Variants in USP37 observed in about 807,000 individuals in gnomAD.
USP37 encodes ubiquitin specific peptidase 37.
Under a neutral mutation model 124.0 loss-of-function variants are expected in USP37, and 27 were observed. The observed-to-expected ratio is 0.22, with a 90% CI of 0.16 to 0.30. USP37 has a LOEUF of 0.30. USP37 is among the 10% of genes least tolerant of loss of function. The pLI is 1.00. For synonymous variants in USP37, 365 were observed against 388.0 expected, an observed-to-expected ratio of 0.94 and a Z score of 0.70; for missense variants, 889 against 1,140.4, an observed-to-expected ratio of 0.78 and a Z score of 3.17.
At chr2:218,527,035 G>A (rs577409079) in intron 10 of USP37, among the ~76,000 whole-genome samples, 5 of 152,048 alleles carry the variant, frequency 3.3e-5, no homozygotes, top group East Asian at 3.9e-4. Context: ...TGATCCACCC[G>A]CCTCGGCCTC....
intron 14 of USP37, among the ~76,000 whole-genome samples, chr2:218,489,846 T>C (rs832813): frequency 0.65 from 98,405 of 152,054 alleles, 32,173 homozygotes; most frequent in East Asian, 0.9. Flanking sequence ...CCTTTTATAA[T>C]GGGATTATGC....
intron 20 of USP37, among the ~76,000 whole-genome samples, chr2:218,469,072 T>C (rs1690530470): frequency 6.6e-6 from 1 of 152,202 alleles, no homozygotes; most frequent in Non-Finnish European, 1.5e-5. Context: ...AGTCAGCAAC[T>C]AGTTAGCATT....
At chr2:218,543,501 CAAAAAAAAAAAAA>C (rs35321679) in intron 8 of USP37, among the ~76,000 whole-genome samples, 4 of 36,934 alleles carry the variant, frequency 1.1e-4, no homozygotes, top group South Asian at 2.1e-3. Flanking sequence ...GACTCCGTCT[CAAAAAAAAAAAAA>C]AAAAAAAAAA....
rs749152311 is a variant in USP37, at chr2:218,474,729, T to C, written c.2200A>G (p.Ser734Gly). Reference sequence around the variant, plus strand: ...TCTGCAAATCCGGTATCTGGGCTGCTAGTTGGCTTATCATCATCTTCATGA... The same window carrying C: ...TCTGCAAATCCGGTATCTGGGCTGCCAGTTGGCTTATCATCATCTTCATGA... ...LSHEDDDKPT[S>G]SPDTGFAEDD... is the part of the protein sequence containing the mutation. The change falls in exon 20 of 26, where the codon AGC becomes GGC. Residue 734 changes from serine to glycine, a missense_variant. Physicochemically the swap from Ser to Gly is moderately conservative, Grantham distance 56. This residue lies in a region of USP37 where 504 missense variants were observed against 714.3 expected (regional missense o/e 0.71). Coordinates refer to ENST00000258399, the MANE Select transcript of USP37 (RefSeq NM_020935.3). The C allele has an allele frequency of 2.5e-6, 4 of 1,614,178 alleles. No homozygotes were observed. The highest frequency in any genetic ancestry group is 3.4e-6 in the Non-Finnish European group (4 of 1,180,026).
In USP37 at chr2:218,454,794, G is replaced by T; in HGVS notation, c.*136C>A. On this transcript the variant is annotated 3_prime_UTR_variant, in exon 26 of 26. Coordinates refer to ENST00000258399, the MANE Select transcript of USP37 (RefSeq NM_020935.3). ...AGCATTCTACGTTACTCCAATTTTT[G>T]TCTTTTGGTTTGGCCCTGAGCTGTT... 2.7e-6 allele frequency: 4 copies of T among 1,472,178 alleles called. No homozygotes were observed. Among genetic ancestry groups the T allele is most frequent in the Non-Finnish European group, 2.7e-6 (3 of 1,115,970 alleles). 91.2% of individuals were successfully genotyped at this position (1,472,178 alleles called of 1,614,324 possible). A position where few individuals can be genotyped will look rare whatever the true frequency, so the allele number is the denominator to read the frequency against.
chr2:218,462,959 G>A (rs1690093648), intron 22 of USP37, among the ~76,000 whole-genome samples: 1 of 152,070 alleles, frequency 6.6e-6, no homozygotes, highest in Non-Finnish European at 1.5e-5. Context: ...TTGAAGCCAG[G>A]AGTTCAAGAC....
At chr2:218,468,635 T>C (rs1357644332) in intron 20 of USP37, among the ~76,000 whole-genome samples, 2 of 152,216 alleles carry the variant, frequency 1.3e-5, no homozygotes, top group Admixed American at 6.5e-5. Flanking sequence ...TATATACTCA[T>C]GCTATACATA....
chr2:218,510,004 A>T lies in USP37; in HGVS notation c.1000T>A (p.Ser334Thr). The T allele has an allele frequency of 1.3e-6, 2 of 1,585,340 alleles. No homozygotes were observed. Among genetic ancestry groups the T allele is most frequent in the Non-Finnish European group, 1.7e-6 (2 of 1,160,966 alleles). Residue 334 changes from serine to threonine, a missense_variant, in exon 11 of 26, where the codon TCT becomes ACT. By Grantham distance (58) the Ser-to-Thr change is moderately conservative (BLOSUM62 1). Transcript: ENST00000258399. ...GWNKPRVPLS[S>T]HQQQQLQGFS... ...CCCTGCAGTTGCTGCTGTTGGTGAG[A>T]GGAAAGGGGCACTCTTGGTTTATTC...
At chr2:218,522,113 C>T (rs1318831342) in intron 10 of USP37, among the ~76,000 whole-genome samples, 1 of 150,786 alleles carries the variant, frequency 6.6e-6, no homozygotes, top group Non-Finnish European at 1.5e-5. Flanking sequence ...TGAGCTCAAG[C>T]CATCCTCCTG....
intron 6 of USP37, among the ~76,000 whole-genome samples, chr2:218,549,552 C>T (rs1021651685): frequency 2.0e-5 from 3 of 151,528 alleles, no homozygotes; most frequent in Admixed American, 2.0e-4. Context: ...ACAACCTCCA[C>T]CTCCTGGGTT....
At chr2:218,535,973 C>A (rs1199506688) in intron 8 of USP37, among the ~76,000 whole-genome samples, 1 of 131,374 alleles carries the variant, frequency 7.6e-6, no homozygotes, top group Non-Finnish European at 1.6e-5. Context: ...CCAGGGATCA[C>A]GCCATTGCAC....
intron 6 of USP37, among the ~76,000 whole-genome samples, chr2:218,548,736 TG>T (rs11318942): frequency 0.61 from 91,927 of 151,902 alleles, 28,013 homozygotes; most frequent in East Asian, 0.78. Context: ...ATCCTTAATA[TG>T]TACAATATTC....
chr2:218,515,570 G>C (rs142983401), intron 10 of USP37, among the ~76,000 whole-genome samples: 1 of 152,092 alleles, frequency 6.6e-6, no homozygotes, highest in African/African-American at 2.4e-5. Context: ...ACACTTAAAC[G>C]TAAAACCTAA....
At chr2:218,494,191 T>C (rs916731762) in intron 14 of USP37, among the ~76,000 whole-genome samples, 3 of 152,226 alleles carry the variant, frequency 2.0e-5, no homozygotes, top group African/African-American at 7.2e-5. Context: ...TTATTAAAAT[T>C]CTGGTTAAAA....
rs1387926187 is a variant in USP37 at position 218,536,633 on chromosome 2, T to C, written c.681-1927A>G. 2.0e-5 allele frequency among the ~76,000 whole-genome samples: 3 copies of C among 152,244 alleles called. 1 individual carries two copies. Among genetic ancestry groups the C allele is most frequent in the African/African-American group, 7.2e-5 (3 of 41,464 alleles). On this transcript the variant is annotated intron_variant, in intron 8 of 25. Coordinates refer to ENST00000258399, the MANE Select transcript of USP37 (RefSeq NM_020935.3). Reference sequence around the variant, plus strand: ...CTCCAGGATCACATCCATGCTTTGTTTCCTGCCCTTAACTATATTGCTTTC... The same window carrying C: ...CTCCAGGATCACATCCATGCTTTGTCTCCTGCCCTTAACTATATTGCTTTC...
chr2:218,453,492 A>G lies in USP37; in HGVS notation c.*1438T>C, dbSNP rs1264269935. On this transcript the variant is annotated 3_prime_UTR_variant, in exon 26 of 26. Coordinates refer to ENST00000258399, the MANE Select transcript of USP37 (RefSeq NM_020935.3). Reference sequence around the variant, plus strand: ...TATAATAAAAGAAAAAACACGAAAGAATATAATGATGGTTTCATTTTTCTA... The same window carrying G: ...TATAATAAAAGAAAAAACACGAAAGGATATAATGATGGTTTCATTTTTCTA... The G allele has an allele frequency of 1.3e-5, 2 of 152,186 alleles. No homozygotes were observed. The highest frequency in any genetic ancestry group is 2.9e-5 in the Non-Finnish European group (2 of 68,028). 9.4% of individuals were successfully genotyped at this position (152,186 alleles called of 1,614,324 possible). A position where few individuals can be genotyped will look rare whatever the true frequency, so the allele number is the denominator to read the frequency against.
chr2:218,526,390 G>A (rs1427930437), intron 10 of USP37, among the ~76,000 whole-genome samples: 8 of 151,940 alleles, frequency 5.3e-5, no homozygotes, highest in Admixed American at 2.0e-4. Context: ...CTGCCACCAC[G>A]CCCAGCTAAT....
At chr2:218,478,644 C>T (rs575344077) in intron 18 of USP37, among the ~76,000 whole-genome samples, 3 of 152,312 alleles carry the variant, frequency 2.0e-5, no homozygotes, top group Admixed American at 2.0e-4. Flanking sequence ...CTTGAAACTA[C>T]AGTGACTTGG....
At chr2:218,484,153 T>C (rs1691415376) in intron 16 of USP37, among the ~76,000 whole-genome samples, 1 of 151,992 alleles carries the variant, frequency 6.6e-6, no homozygotes, top group Admixed American at 6.6e-5. Context: ...AACGAGACTC[T>C]GTTTGAAAAA....
Sources: gnomAD v4.1 joint callset for allele counts (sites outside exome capture counted in the v4.1 genomes callset) on GRCh38, gnomAD v4.1.1 for gene constraint, gnomAD v4.1.1 regional missense constraint, MANE v1.5 for transcripts, NCBI Gene and HGNC (gene_info 2026-07-23, HGNC 2026-07-21) for gene names.